The following ZNF407 variants were observed in gnomAD, a reference collection of about 807,000 sequenced individuals.
ZNF407 encodes zinc finger protein 407.
In ZNF407, 17 loss-of-function variants were observed where a neutral mutation model predicts 131.2. That is an observed-to-expected ratio of 0.13 (90% CI 0.09 to 0.19). ZNF407 has a LOEUF of 0.19. Ranked by LOEUF, ZNF407 falls within the 10% of genes least tolerant of loss-of-function variation. The pLI is 1.00. For missense variants in ZNF407, 2,681 were observed against 2,830.6 expected (o/e 0.95, Z 1.20); for synonymous variants, 1,156 against 1,062.0 (o/e 1.09, Z -1.72).
intron 4 of ZNF407, among the ~76,000 whole-genome samples, chr18:74,867,009 A>AC (rs71170326): frequency 6.7e-6 from 1 of 148,640 alleles, no homozygotes; most frequent in Admixed American, 6.7e-5. Context: ...AAAAAAAAAA[A>AC]GGAAGAAATT....
At chr18:74,811,389 G>A (rs1317734504) in intron 4 of ZNF407, among the ~76,000 whole-genome samples, 1 of 152,116 alleles carries the variant, frequency 6.6e-6, no homozygotes, top group Non-Finnish European at 1.5e-5. Flanking sequence ...TGCTGGAGAG[G>A]ATGTGGAGAA....
intron 8 of ZNF407, among the ~76,000 whole-genome samples, chr18:75,031,692 C>G (rs538905750): frequency 1.3e-5 from 2 of 152,120 alleles, no homozygotes; most frequent in Non-Finnish European, 2.9e-5. Context: ...TTAGCACAGG[C>G]TAGATTAGCC....
At chr18:74,862,867 G>A (rs921043169) in intron 4 of ZNF407, among the ~76,000 whole-genome samples, 1 of 150,812 alleles carries the variant, frequency 6.6e-6, no homozygotes, top group African/African-American at 2.4e-5. Context: ...TAATTAAAAT[G>A]TGTTAATATT....
chr18:74,767,803 G>C (rs1440325274), intron 3 of ZNF407, among the ~76,000 whole-genome samples: 1 of 146,904 alleles, frequency 6.8e-6, no homozygotes, highest in Non-Finnish European at 1.5e-5. Context: ...AGAGGCGCCT[G>C]CCACCACGCC....
At chr18:75,041,622 G>GCACACACACACACACACACA (rs57989015) in intron 8 of ZNF407, among the ~76,000 whole-genome samples, 2 of 144,878 alleles carry the variant, frequency 1.4e-5, no homozygotes, top group African/African-American at 5.3e-5. Context: ...GCATGCACGT[G>GCACACACACACACACACACA]CACACACACA....
rs374988799 is a variant in ZNF407, at chr18:74,632,464, C to T, written c.1445C>T (p.Ala482Val). Residue 482 changes from alanine to valine, a missense_variant, in exon 2 of 9, where the codon GCG (alanine) becomes GTG (valine). By Grantham distance (64) the Ala-to-Val change is moderately conservative (BLOSUM62 0). Coordinates refer to ENST00000299687, the MANE Select transcript of ZNF407 (RefSeq NM_017757.3). Reference sequence around the variant, plus strand: ...GAATCAGTGCTGAAACACCTGGAAGCGTGCAGCAGTGTGCAGAGAGTGTGT... The same window carrying T: ...GAATCAGTGCTGAAACACCTGGAAGTGTGCAGCAGTGTGCAGAGAGTGTGT... ...DAESVLKHLE[A>V]CSSVQRVCVT... 33 of 1,613,912 alleles carry T rather than the reference C, an allele frequency of 2.0e-5. No individual in the cohort carries two copies. Among genetic ancestry groups the T allele is most frequent in the African/African-American group, 1.7e-4 (13 of 74,938 alleles).
Position 75,000,903 on chromosome 18 carries a change from C to T in ZNF407, c.5429-62247C>T, listed in dbSNP as rs530625611. Among the ~76,000 whole-genome samples the T allele has an allele frequency of 4.6e-5, 7 of 152,298 alleles. No individual in the cohort carries two copies. The South Asian group carries it at 6.2e-4, about 14-fold the overall frequency. Reference sequence around the variant, plus strand: ...ATAATAATCAGAATGATGGCATCAACGTCACATTAAGGTGCGTAGATAGCC... The same window carrying T: ...ATAATAATCAGAATGATGGCATCAATGTCACATTAAGGTGCGTAGATAGCC... On this transcript the variant is annotated intron_variant, in intron 8 of 8. Transcript: ENST00000299687.
In ZNF407 at chr18:74,890,067, C is replaced by T. The variant is rs1040956458; in HGVS notation, c.5249+29C>T. On this transcript the variant is annotated intron_variant, in intron 7 of 8. Coordinates refer to ENST00000299687, the MANE Select transcript of ZNF407 (RefSeq NM_017757.3). ...ATGACTCATCACTGAGCAGTCAAAT[C>T]AGGTGGGCCGCCATGATGGATTAAA... 2.7e-6 allele frequency: 4 copies of T among 1,483,038 alleles called. No homozygotes were observed. The African/African-American group carries it at 5.7e-5, about 21-fold the overall frequency. 91.9% of individuals were successfully genotyped at this position (1,483,038 alleles called of 1,614,324 possible). A position where few individuals can be genotyped will look rare whatever the true frequency, so the allele number is the denominator to read the frequency against.
Position 74,745,811 on chromosome 18 carries a change from G to T in ZNF407, c.4803-35617G>T, listed in dbSNP as rs550806685. ...TTCATCAGTCTGGATGTCTGTTGTA[G>T]CGTCTAACTCCAGCTCTGCCAAGGA... On this transcript the variant is annotated intron_variant, in intron 3 of 8. Transcript: ENST00000299687. 3.9e-5 allele frequency among the ~76,000 whole-genome samples: 6 copies of T among 152,154 alleles called. No homozygotes were observed. In the South Asian group the frequency reaches 1.2e-3, roughly 31 times the overall value.
intron 1 of ZNF407, among the ~76,000 whole-genome samples, chr18:74,608,673 A>G (rs1982918438): frequency 6.6e-6 from 1 of 152,128 alleles, no homozygotes; most frequent in African/African-American, 2.4e-5. Flanking sequence ...TTTGTCTTTC[A>G]TGACTTTGAT....
At chr18:74,755,761 CTT>C (rs1968933393) in intron 3 of ZNF407, among the ~76,000 whole-genome samples, 2 of 119,642 alleles carry the variant, frequency 1.7e-5, no homozygotes, top group African/African-American at 7.9e-5. Context: ...TTCTTTCTTT[CTT>C]TCTTTCTTTC....
At chr18:74,624,397 A>G (rs1727759194) in intron 1 of ZNF407, among the ~76,000 whole-genome samples, 1 of 152,182 alleles carries the variant, frequency 6.6e-6, no homozygotes, top group Non-Finnish European at 1.5e-5. Context: ...ACATCAGCAT[A>G]AACTTTCTCA....
chr18:74,617,667 G>C (rs1229002351), intron 1 of ZNF407, among the ~76,000 whole-genome samples: 9 of 152,082 alleles, frequency 5.9e-5, no homozygotes, highest in Non-Finnish European at 1.2e-4. Flanking sequence ...CCTTCTCAGG[G>C]GGTCACGTCT....
intron 4 of ZNF407, among the ~76,000 whole-genome samples, chr18:74,836,356 G>T (rs1328327606): frequency 6.6e-6 from 1 of 152,086 alleles, no homozygotes; most frequent in African/African-American, 2.4e-5. Context: ...TTCTGTATTG[G>T]TGTTAGGGAT....
chr18:74,720,031 A>G (rs537710986), intron 3 of ZNF407, among the ~76,000 whole-genome samples: 35 of 151,848 alleles, frequency 2.3e-4, no homozygotes, highest in African/African-American at 8.0e-4. Flanking sequence ...GGATTGCTGC[A>G]TCGCATGGTT....
chr18:74,755,885 C>CTTTTTTTTTTTTTTTTTTTTTT (rs34750560), intron 3 of ZNF407, among the ~76,000 whole-genome samples: 1 of 25,822 alleles, frequency 3.9e-5, no homozygotes, highest in African/African-American at 2.0e-4. Context: ...CTTTTCCTTC[C>CTTTTTTTTTTTTTTTTTTTTTT]TTTTTTTTTT....
chr18:74,682,316 G>C (rs936915092), intron 3 of ZNF407, among the ~76,000 whole-genome samples: 4 of 152,226 alleles, frequency 2.6e-5, no homozygotes, highest in Non-Finnish European at 4.4e-5. Context: ...ATTGTGGTCA[G>C]AAAATCAAGG....
intron 8 of ZNF407, among the ~76,000 whole-genome samples, chr18:75,046,467 G>A (rs530538129): frequency 5.3e-5 from 8 of 152,274 alleles, no homozygotes; most frequent in South Asian, 2.1e-4. Context: ...TTTAGCCAAC[G>A]CTGCTTCACT....
intron 3 of ZNF407, among the ~76,000 whole-genome samples, chr18:74,753,827 T>G: frequency 6.6e-6 from 1 of 152,198 alleles, no homozygotes; most frequent in Non-Finnish European, 1.5e-5. Context: ...TTTTTTTTGT[T>G]GTGTCTCTGC....
Sources: gnomAD v4.1 joint callset for allele counts (sites outside exome capture counted in the v4.1 genomes callset) on GRCh38, gnomAD v4.1.1 for gene constraint, MANE v1.5 for transcripts, NCBI Gene and HGNC (gene_info 2026-07-23, HGNC 2026-07-21) for gene names.